The following CYP2B6 variants were observed in gnomAD, a reference collection of about 807,000 sequenced individuals.
CYP2B6 encodes the protein cytochrome P450 family 2 subfamily B member 6.
In CYP2B6, 35 loss-of-function variants were observed where a neutral mutation model predicts 43.4. That is an observed-to-expected ratio of 0.81 (90% CI 0.62 to 1.07). CYP2B6 has a LOEUF of 1.07. Ranked by LOEUF, CYP2B6 falls within the 50% of genes least tolerant of loss-of-function variation. The pLI, the probability that CYP2B6 is intolerant of heterozygous loss-of-function variation, is 0.00. For synonymous variants in CYP2B6, 239 were observed against 239.2 expected, an observed-to-expected ratio of 1.00 and a Z score of 0.01; for missense variants, 624 against 632.8, an observed-to-expected ratio of 0.99 and a Z score of 0.15.
At chr19:41,002,401 T>C (rs1568559275) in intron 1 of CYP2B6, among the ~76,000 whole-genome samples, 1 of 152,106 alleles carries the variant, frequency 6.6e-6, no homozygotes, top group Non-Finnish European at 1.5e-5. Flanking sequence ...CAATGAATTT[T>C]CACAAACTGA....
intron 8 of CYP2B6, among the ~76,000 whole-genome samples, chr19:41,016,047 C>T (rs558160406): frequency 2.0e-5 from 3 of 150,268 alleles, no homozygotes; most frequent in Non-Finnish European, 4.4e-5. Context: ...TCATTATACT[C>T]TGTGGGTTTC....
chr19:41,012,872 C>T, intron 8 of CYP2B6, 57 bp downstream of exon 8: 2 of 1,591,236 alleles, frequency 1.3e-6, no homozygotes, highest in East Asian at 2.2e-5. Flanking sequence ...CTATCCCCAA[C>T]TTGAGAAAAA....
At chr19:41,010,282 C>G (rs1969260707) in intron 6 of CYP2B6, 147 bp downstream of exon 6, 6 of 907,240 alleles carry the variant, frequency 6.6e-6, no homozygotes, top group Non-Finnish European at 1.0e-5. Context: ...TCCAACCAAG[C>G]CAATTCTGTT....
rs114554376 is a variant in CYP2B6 at position 41,000,601 on chromosome 19, A to G, written c.172-3400A>G. On this transcript the variant is annotated intron_variant, in intron 1 of 8. Coordinates refer to ENST00000324071, the MANE Select transcript of CYP2B6 (RefSeq NM_000767.5). ...TTCATCATTTTCCATGTGTGACAAG[A>G]GTATCACGCAATCATGTGAATCAAT... 6.6e-4 allele frequency among the ~76,000 whole-genome samples: 101 copies of G among 152,304 alleles called. 1 individual carries two copies. The highest frequency in any genetic ancestry group is 2.4e-3 in the African/African-American group (99 of 41,550).
chr19:41,002,960 G>A (rs752392794), intron 1 of CYP2B6, among the ~76,000 whole-genome samples: 204 of 152,126 alleles, frequency 1.3e-3, no homozygotes, highest in African/African-American at 4.7e-3. Context: ...CTGTAGCTGT[G>A]GTTTGTTCTT....
At chr19:41,003,315 A>G (rs887763573) in intron 1 of CYP2B6, among the ~76,000 whole-genome samples, 1 of 152,036 alleles carries the variant, frequency 6.6e-6, no homozygotes, top group African/African-American at 2.4e-5. Context: ...ATCACATTAT[A>G]TAGGGAGGGT....
intron 7 of CYP2B6, 80 bp downstream of exon 7, chr19:41,012,565 G>A: frequency 6.2e-7 from 1 of 1,608,580 alleles, no homozygotes; most frequent in African/African-American, 1.3e-5. Context: ...CCTTTTGTTA[G>A]CTCCTTAATT....
In CYP2B6 at chr19:41,009,996, G is replaced by C. The variant is rs535281317; in HGVS notation, c.825G>C (p.Glu275Asp). ...TTCCTTCCCTACTGTGGACGCAGGA[G>C]AAATCCAACGCACACAGTGAATTCA... ...IDTYLLHMEKEKSNAHSEFSH... is the reference protein window; with the variant it reads ...IDTYLLHMEKDKSNAHSEFSH... The change falls in exon 6 of 9, where the codon GAG (glutamate) becomes GAC (aspartate). Residue 275 changes from glutamate to aspartate, a missense_variant and splice_region_variant. Coordinates refer to ENST00000324071, the MANE Select transcript of CYP2B6 (RefSeq NM_000767.5). The C allele has an allele frequency of 6.8e-6, 11 of 1,613,982 alleles. No individual in the cohort carries two copies. The highest frequency in any genetic ancestry group is 8.5e-6 in the Non-Finnish European group (10 of 1,180,024).
intron 1 of CYP2B6, among the ~76,000 whole-genome samples, chr19:40,999,175 T>G (rs915565029): frequency 1.3e-5 from 2 of 152,160 alleles, no homozygotes; most frequent in African/African-American, 4.8e-5. Flanking sequence ...CTGATGGCCA[T>G]TGATGTTGAG....
chr19:41,009,462 G>A, intron 5 of CYP2B6, 67 bp downstream of exon 5: 1 of 1,309,356 alleles, frequency 7.6e-7, no homozygotes, highest in East Asian at 3.2e-5. Context: ...TGAGAAGAGG[G>A]AGGGAAAAGG....
chr19:41,009,430 G>C (rs372377643), intron 5 of CYP2B6, 35 bp downstream of exon 5: 422 of 1,072,034 alleles, frequency 3.9e-4, no homozygotes, highest in Non-Finnish European at 5.2e-4. Flanking sequence ...GAAGGGAGGG[G>C]AGGGAGGGCA....
In CYP2B6 at chr19:41,009,154, C is replaced by T. The variant is rs558811641; in HGVS notation, c.646-65C>T. On this transcript the variant is annotated intron_variant, in intron 4 of 8. Coordinates refer to ENST00000324071, the MANE Select transcript of CYP2B6 (RefSeq NM_000767.5). Reference sequence around the variant, plus strand: ...CATGGAGGGATTGGGGCCCAGGAGGCGCTCTCTCCCTGTGACCTGCTAGCT... The same window carrying T: ...CATGGAGGGATTGGGGCCCAGGAGGTGCTCTCTCCCTGTGACCTGCTAGCT... 69 of 1,287,172 alleles carry T rather than the reference C, an allele frequency of 5.4e-5. 1 individual carries two copies. Among genetic ancestry groups the T allele is most frequent in the Middle Eastern group, 4.8e-4 (2 of 4,176 alleles). The allele number at this position is 1,287,172 out of a possible 1,614,324, so 79.7% of individuals were successfully genotyped here.
chr19:41,006,980 G>T lies in CYP2B6; in HGVS notation c.560G>T (p.Arg187Leu). The change falls in exon 4 of 9, where the codon CGA becomes CTA. Residue 187 changes from arginine (R) to leucine (L), a missense_variant. Physicochemically the swap from Arg to Leu is moderately radical, Grantham distance 102 (BLOSUM62 -2). Transcript: ENST00000324071. ...ATCTGCTCCATCGTCTTTGGAAAAC[G>T]ATTCCACTACCAAGATCAAGAGTTC... ...NIICSIVFGK[R>L]FHYQDQEFLK... 6.2e-7 allele frequency: 1 copy of T among 1,613,994 alleles called. No individual in the cohort carries two copies. The highest frequency in any genetic ancestry group is 8.5e-7 in the Non-Finnish European group (1 of 1,179,996).
chr19:41,002,721 G>T (rs564005997), intron 1 of CYP2B6, among the ~76,000 whole-genome samples: 1 of 152,096 alleles, frequency 6.6e-6, no homozygotes, highest in East Asian at 1.9e-4. Flanking sequence ...GCTAATTTTT[G>T]TATTTTTAGT....
In CYP2B6 at chr19:41,012,349, A is replaced by G; in HGVS notation, c.1016A>G (p.Glu339Gly). 1.2e-6 allele frequency: 2 copies of G among 1,613,996 alleles called. No homozygotes were observed. The highest frequency in any genetic ancestry group is 1.7e-6 in the Non-Finnish European group (2 of 1,180,010). Residue 339 changes from glutamate (E) to glycine (G), a missense_variant, in exon 7 of 9, where the codon GAG (glutamate) becomes GGG (glycine). Physicochemically the swap from Glu to Gly is moderately conservative, Grantham distance 98. Coordinates refer to ENST00000324071, the MANE Select transcript of CYP2B6 (RefSeq NM_000767.5). ...EQVIGPHRPP[E>G]LHDRAKMPYT... ...GTGATTGGCCCACATCGCCCTCCAG[A>G]GCTTCATGACCGAGCCAAAATGCCA...
rs867126676 is a variant in CYP2B6, at chr19:41,012,773, G to T, written c.1252G>T (p.Gly418Trp). ...FNPDHFLDANGALKKTEAFIP... is the reference protein window; with the variant it reads ...FNPDHFLDANWALKKTEAFIP... The stretch of plus-strand genomic sequence containing the variant: ...TCCTGACCACTTTCTGGATGCCAAT[G>T]GGGCACTGAAAAAGACTGAAGCTTT... The change falls in exon 8 of 9, where the codon GGG (glycine) becomes TGG (tryptophan). Residue 418 changes from glycine (G) to tryptophan (W), a missense_variant. Physicochemically the swap from Gly to Trp is radical, Grantham distance 184. Transcript: ENST00000324071. 3 of 1,613,950 alleles carry T rather than the reference G, an allele frequency of 1.9e-6. No homozygotes were observed. Among genetic ancestry groups the T allele is most frequent in the Admixed American group, 3.3e-5 (2 of 59,984 alleles).
intron 3 of CYP2B6, 65 bp from the exon 4 acceptor site, chr19:41,006,840 T>C (rs540666742): frequency 2.1e-6 from 3 of 1,457,204 alleles, no homozygotes; most frequent in East Asian, 2.3e-5. Flanking sequence ...CACACAGAGA[T>C]AGGTGACAGC....
intron 5 of CYP2B6, chr19:41,009,776 G>A: frequency 1.6e-6 from 1 of 616,734 alleles, no homozygotes; most frequent in African/African-American, 1.8e-5. Flanking sequence ...AAAGAGATGT[G>A]GAGAGAGATA....
rs1032671481 is a variant in CYP2B6 at position 40,997,736 on chromosome 19, G to A, written c.171+6260G>A. Among the ~76,000 whole-genome samples the A allele has an allele frequency of 4.3e-4, 66 of 152,144 alleles. 1 individual carries two copies. Among genetic ancestry groups the A allele is most frequent in the African/African-American group, 1.6e-3 (65 of 41,462 alleles). On this transcript the variant is annotated intron_variant, in intron 1 of 8. Transcript: ENST00000324071. Reference sequence around the variant, plus strand: ...ATTATGAAACATTTAGATTTTTCAGGGGAATGACATGGAGGGAGCCAAGGA... The same window carrying A: ...ATTATGAAACATTTAGATTTTTCAGAGGAATGACATGGAGGGAGCCAAGGA...
Sources: gnomAD v4.1 joint callset for allele counts (sites outside exome capture counted in the v4.1 genomes callset) on GRCh38, gnomAD v4.1.1 for gene constraint, MANE v1.5 for transcripts, NCBI Gene and HGNC (gene_info 2026-07-23, HGNC 2026-07-21) for gene names.